CSMD1: variants seen among roughly 807,000 people sequenced by gnomAD.
The protein encoded by CSMD1 is CUB and sushi domain-containing protein 1.
A neutral mutation model predicts 417.5 loss-of-function variants in CSMD1; 213 were observed. The observed-to-expected ratio is 0.51, with a 90% CI of 0.46 to 0.57. The LOEUF is 0.57. Among genes scored for constraint, CSMD1 ranks in the 20% least tolerant of loss-of-function variants. The pLI, the probability that CSMD1 is intolerant of heterozygous loss-of-function variation, is 0.00. For missense variants in CSMD1, 6,923 were observed against 4,529.7 expected (o/e 1.53, Z -15.17); for synonymous variants, 2,862 against 1,736.8 (o/e 1.65, Z -16.11).
chr8:4,541,707 C>T (rs952930855), intron 2 of CSMD1, among the ~76,000 whole-genome samples: 5 of 151,862 alleles, frequency 3.3e-5, no homozygotes, highest in African/African-American at 1.2e-4. Flanking sequence ...TGCATTCCAG[C>T]CTGGGTGACA....
intron 2 of CSMD1, among the ~76,000 whole-genome samples, chr8:4,521,964 T>G (rs1671900776): frequency 6.6e-6 from 1 of 152,334 alleles, no homozygotes; most frequent in South Asian, 2.1e-4. Context: ...CCAGATAGCC[T>G]GCCTTTTTGT....
At chr8:3,661,253 A>G (rs1420930686) in intron 7 of CSMD1, among the ~76,000 whole-genome samples, 2 of 152,202 alleles carry the variant, frequency 1.3e-5, no homozygotes, top group East Asian at 3.9e-4. Context: ...AGCCTTGGCC[A>G]GTCCCAGCAG....
chr8:4,941,869 G>C (rs1165093555), intron 1 of CSMD1, among the ~76,000 whole-genome samples: 1 of 152,148 alleles, frequency 6.6e-6, no homozygotes, highest in African/African-American at 2.4e-5. Context: ...CAAAGTGCTA[G>C]GATTACAGGT....
chr8:4,236,026 GTTTTTTTTGTTTGTTT>G lies in CSMD1; in HGVS notation c.415+183911_415+183926del, dbSNP rs1297118240. On this transcript the variant is annotated intron_variant, in intron 3 of 69. Transcript: ENST00000635120. ...GTGAGCAAAGAGGTTAATGGATATT[GTTTTTTTTGTTTGTTT>G]TTTTTTTTTTTTTTTTTTTTTTTTT... 1.7e-3 allele frequency among the ~76,000 whole-genome samples: 183 copies of G among 108,126 alleles called. 3 individuals carry two copies. Among genetic ancestry groups the G allele is most frequent in the African/African-American group, 7.0e-3 (166 of 23,788 alleles). 70.9% of individuals were successfully genotyped at this position (108,126 alleles called of 152,430 possible). A position where few individuals can be genotyped will look rare whatever the true frequency, so the allele number is the denominator to read the frequency against.
intron 3 of CSMD1, among the ~76,000 whole-genome samples, chr8:4,281,318 G>A (rs140414631): frequency 5.0e-4 from 76 of 152,330 alleles, no homozygotes; most frequent in African/African-American, 1.6e-3. Context: ...TAGTAACTGC[G>A]AGAACAGGTG....
At chr8:4,926,199 G>A (rs1397536302) in intron 1 of CSMD1, among the ~76,000 whole-genome samples, 1 of 152,166 alleles carries the variant, frequency 6.6e-6, no homozygotes, top group African/African-American at 2.4e-5. Flanking sequence ...TCAAATTGCA[G>A]GGTAAAGAAA....
At chr8:3,915,791 A>T (rs2129141516) in intron 5 of CSMD1, among the ~76,000 whole-genome samples, 1 of 148,054 alleles carries the variant, frequency 6.8e-6, no homozygotes. Flanking sequence ...TTTTCGTATC[A>T]ATTTTATTAC....
intron 5 of CSMD1, among the ~76,000 whole-genome samples, chr8:3,766,501 C>T (rs370538996): frequency 7.9e-5 from 12 of 152,196 alleles, no homozygotes; most frequent in African/African-American, 2.6e-4. Context: ...GGGAGACACC[C>T]TTTGCCTCCT....
intron 1 of CSMD1, among the ~76,000 whole-genome samples, chr8:4,920,427 C>G (rs762897865): frequency 6.6e-6 from 1 of 152,072 alleles, no homozygotes; most frequent in African/African-American, 2.4e-5. Context: ...CTTGAAAATC[C>G]GTTTAATGAC....
chr8:3,285,589 G>T (rs553570315), intron 25 of CSMD1, among the ~76,000 whole-genome samples: 3 of 151,696 alleles, frequency 2.0e-5, no homozygotes, highest in African/African-American at 7.3e-5. Flanking sequence ...AGTAGACATG[G>T]GGTTTCACCA....
At chr8:4,477,143 G>A (rs751315304) in intron 2 of CSMD1, among the ~76,000 whole-genome samples, 1 of 152,150 alleles carries the variant, frequency 6.6e-6, no homozygotes, top group Non-Finnish European at 1.5e-5. Context: ...TATCCAGTGG[G>A]CATTCTGTGA....
At chr8:4,819,506 T>A (rs1351156236) in intron 1 of CSMD1, among the ~76,000 whole-genome samples, 1 of 152,158 alleles carries the variant, frequency 6.6e-6, no homozygotes, top group East Asian at 1.9e-4. Flanking sequence ...TAGGACCCTA[T>A]ATTAATTCTG....
chr8:3,372,322 G>T (rs1281930113), intron 18 of CSMD1, among the ~76,000 whole-genome samples: 2 of 152,116 alleles, frequency 1.3e-5, no homozygotes, highest in Admixed American at 6.5e-5. Context: ...TGTGACTGGG[G>T]GGTCCTTGTA....
chr8:4,394,807 G>A (rs190659495), intron 3 of CSMD1, among the ~76,000 whole-genome samples: 3 of 152,108 alleles, frequency 2.0e-5, no homozygotes, highest in Non-Finnish European at 2.9e-5. Context: ...GTTTTCAGCT[G>A]ACTTTAAATT....
chr8:4,067,670 C>A (rs1388154284), intron 3 of CSMD1, among the ~76,000 whole-genome samples: 1 of 152,144 alleles, frequency 6.6e-6, no homozygotes, highest in Non-Finnish European at 1.5e-5. Context: ...TGCAGTCTCA[C>A]CACCTAACTT....
At chr8:4,304,098 T>A (rs942089461) in intron 3 of CSMD1, among the ~76,000 whole-genome samples, 46 of 152,278 alleles carry the variant, frequency 3.0e-4, no homozygotes, top group African/African-American at 1.0e-3. Flanking sequence ...TTGTGTTGTC[T>A]TATAAAATTA....
chr8:4,253,897 T>C (rs1011940442), intron 3 of CSMD1, among the ~76,000 whole-genome samples: 3 of 149,590 alleles, frequency 2.0e-5, no homozygotes, highest in Admixed American at 6.8e-5. Context: ...CGTTCGTTAT[T>C]TCCTTCCATC....
intron 1 of CSMD1, among the ~76,000 whole-genome samples, chr8:4,916,237 T>C (rs1224633639): frequency 6.6e-6 from 1 of 152,072 alleles, no homozygotes; most frequent in Non-Finnish European, 1.5e-5. Flanking sequence ...TAAAACTAAA[T>C]AGAATTTCGG....
Position 3,575,022 on chromosome 8 carries a change from T to C in CSMD1, c.1267A>G (p.Thr423Ala), listed in dbSNP as rs1349312273. 1 of 1,613,230 alleles carries C rather than the reference T, an allele frequency of 6.2e-7. No homozygotes were observed. The highest frequency in any genetic ancestry group is 2.2e-5 in the East Asian group (1 of 44,848). The change falls in exon 10 of 70, where the codon ACC becomes GCC. Residue 423 changes from threonine to alanine, a missense_variant. Thr to Ala is a moderately conservative substitution (Grantham distance 58). Transcript: ENST00000635120. ...SNLRGPSGVI[T>A]SPNYPVQYED... ...TACTGAACCGGATAATTAGGGGAGG[T>C]AATGACGCCGCTGGGCCCACGCAGA... is the stretch of plus-strand genomic sequence containing the variant.
Sources: gnomAD v4.1 joint callset for allele counts (sites outside exome capture counted in the v4.1 genomes callset) on GRCh38, gnomAD v4.1.1 for gene constraint, MANE v1.5 for transcripts, NCBI Gene and HGNC (gene_info 2026-07-23, HGNC 2026-07-21) for gene names.